RFC3: variants seen among roughly 807,000 people sequenced by gnomAD.
RFC3 encodes the protein A1 38 kDa subunit.
Under a neutral mutation model 45.1 loss-of-function variants are expected in RFC3, and 41 were observed. The ratio of observed to expected loss-of-function variants is 0.91; its 90% confidence interval spans 0.71 to 1.18. RFC3 has a LOEUF of 1.18. RFC3 is among the 50% of genes most tolerant of loss of function. RFC3 has a pLI of 0.00. For synonymous variants in RFC3, 149 were observed against 144.0 expected (o/e 1.03, Z -0.25); for missense variants, 423 against 428.1 (o/e 0.99, Z 0.10).
intron 8 of RFC3, among the ~76,000 whole-genome samples, chr13:33,888,977 C>G (rs2082546124): frequency 6.6e-6 from 1 of 152,164 alleles, no homozygotes; most frequent in Non-Finnish European, 1.5e-5. Context: ...ATCTCCTGAC[C>G]TTGTGATCCA....
chr13:33,822,370 C>T (rs2082011353), intron 2 of RFC3, among the ~76,000 whole-genome samples: 1 of 152,116 alleles, frequency 6.6e-6, no homozygotes, highest in Non-Finnish European at 1.5e-5. Flanking sequence ...AATTAAAATT[C>T]AAGTGGTTGT....
chr13:33,907,483 T>C (rs756538043), intron 8 of RFC3, among the ~76,000 whole-genome samples: 2 of 152,082 alleles, frequency 1.3e-5, no homozygotes, highest in Non-Finnish European at 2.9e-5. Flanking sequence ...AAAATTACAC[T>C]TAAATCTATA....
chr13:33,925,690 T>TACACACAC (rs139123720), intron 8 of RFC3, among the ~76,000 whole-genome samples: 55 of 148,652 alleles, frequency 3.7e-4, no homozygotes, highest in African/African-American at 1.2e-3. Context: ...TATGTATATA[T>TACACACAC]ACACACACAC....
intron 8 of RFC3, among the ~76,000 whole-genome samples, chr13:33,882,608 T>C (rs1369204139): frequency 6.6e-6 from 1 of 152,196 alleles, no homozygotes; most frequent in African/African-American, 2.4e-5. Flanking sequence ...CACCCAACAG[T>C]GGACCTGCTA....
intron 8 of RFC3, among the ~76,000 whole-genome samples, chr13:33,884,644 C>T (rs113571893): frequency 0.012 from 1,837 of 152,298 alleles, 17 homozygotes; most frequent in African/African-American, 0.023. Context: ...CTCACCATGG[C>T]GACAGCGGCC....
chr13:33,944,243 G>A (rs1421697967), intron 8 of RFC3, among the ~76,000 whole-genome samples: 1 of 152,056 alleles, frequency 6.6e-6, no homozygotes, highest in African/African-American at 2.4e-5. Flanking sequence ...CCTTTTTCTT[G>A]TGCAATTAAA....
the RFC3 span, among the ~76,000 whole-genome samples, chr13:33,971,906 G>A: frequency 6.6e-6 from 1 of 152,030 alleles, no homozygotes; most frequent in African/African-American, 2.4e-5. Flanking sequence ...GAGGTCAGGA[G>A]TTCAAGAACA....
At chr13:33,859,135 G>A (rs1231015091) in intron 8 of RFC3, among the ~76,000 whole-genome samples, 1 of 152,098 alleles carries the variant, frequency 6.6e-6, no homozygotes, top group African/African-American at 2.4e-5. Flanking sequence ...CAAAAGTCAG[G>A]CTTTTGAGAC....
At chr13:33,836,066 T>TA in intron 8 of RFC3, 38 bp from the exon 9 acceptor site, 1 of 1,575,684 alleles carries the variant, frequency 6.3e-7, no homozygotes, top group Non-Finnish European at 8.7e-7. Context: ...TAGCTGTTTT[T>TA]ATTAATGATT....
At chr13:33,975,541 T>C in the RFC3 span, among the ~76,000 whole-genome samples, 1 of 152,212 alleles carries the variant, frequency 6.6e-6, no homozygotes, top group East Asian at 1.9e-4. Flanking sequence ...AATCTTTAAA[T>C]ATCTCTTAAG....
downstream of RFC3, among the ~76,000 whole-genome samples, chr13:33,971,162 A>G (rs905515062): frequency 2.0e-5 from 3 of 152,308 alleles, no homozygotes; most frequent in South Asian, 2.1e-4. Context: ...AAAACAGAAG[A>G]AAAAAACCTT....
At chr13:33,896,694 AG>A (rs1310250291) in intron 8 of RFC3, among the ~76,000 whole-genome samples, 1 of 145,746 alleles carries the variant, frequency 6.9e-6, no homozygotes, top group Admixed American at 7.0e-5. Context: ...CCTGGGCAAC[AG>A]AGTAAGACTT....
chr13:33,839,465 G>A (rs1320364166), downstream of RFC3, among the ~76,000 whole-genome samples: 1 of 152,188 alleles, frequency 6.6e-6, no homozygotes, highest in Non-Finnish European at 1.5e-5. Flanking sequence ...ACAGGTGTAT[G>A]GTTGTATCAC....
intron 8 of RFC3, among the ~76,000 whole-genome samples, chr13:33,915,532 G>A (rs1415784456): frequency 2.6e-5 from 4 of 152,172 alleles, no homozygotes; most frequent in Middle Eastern, 6.8e-3. Context: ...AAATGCTGCC[G>A]TCCTTGGGGG....
At chr13:33,876,079 A>G (rs1425930106) in intron 8 of RFC3, among the ~76,000 whole-genome samples, 3 of 152,164 alleles carry the variant, frequency 2.0e-5, no homozygotes, top group Non-Finnish European at 2.9e-5. Flanking sequence ...TGCTTCTCCT[A>G]TTGTATCCAA....
Position 33,836,555 on chromosome 13 carries a change from A to G in RFC3, c.*260A>G. The G allele has an allele frequency of 8.6e-7, 1 of 1,159,464 alleles. No individual in the cohort carries two copies. Among genetic ancestry groups the G allele is most frequent in the Non-Finnish European group, 1.1e-6 (1 of 936,376 alleles). The allele number at this position is 1,159,464 out of a possible 1,614,324, so 71.8% of individuals were successfully genotyped here. A position where few individuals can be genotyped will look rare whatever the true frequency, so the allele number is the denominator to read the frequency against. On this transcript the variant is annotated 3_prime_UTR_variant, in exon 9 of 9. Coordinates refer to ENST00000380071, the MANE Select transcript of RFC3 (RefSeq NM_002915.4). ...AATTTACTTTAAGCATTGGTTATTCAAGTATTCATTGTTGATCCTCCTATT... is the reference window on the plus strand; with the variant it reads ...AATTTACTTTAAGCATTGGTTATTCGAGTATTCATTGTTGATCCTCCTATT...
intron 8 of RFC3, among the ~76,000 whole-genome samples, chr13:33,946,860 A>G (rs530178089): frequency 9.2e-5 from 14 of 152,262 alleles, no homozygotes; most frequent in Non-Finnish European, 1.9e-4. Flanking sequence ...ATCTGAAACC[A>G]TGTCGGTGAG....
chr13:33,830,951 G>A, intron 6 of RFC3, 96 bp downstream of exon 6: 1 of 954,586 alleles, frequency 1.0e-6, no homozygotes, highest in Non-Finnish European at 1.6e-6. Flanking sequence ...CCATGGACTG[G>A]GCAGGGGTGG....
At chr13:33,915,542 G>T (rs989411389) in intron 8 of RFC3, among the ~76,000 whole-genome samples, 1 of 152,034 alleles carries the variant, frequency 6.6e-6, no homozygotes, top group African/African-American at 2.4e-5. Flanking sequence ...GTCCTTGGGG[G>T]TAGATTTCTG....
Sources: allele counts gnomAD v4.1 joint callset (sites outside exome capture counted in the v4.1 genomes callset), GRCh38; gene constraint gnomAD v4.1.1; transcripts MANE v1.5; gene names NCBI Gene and HGNC (gene_info 2026-07-23, HGNC 2026-07-21).